Variants in RBFOX1 observed in about 807,000 individuals in gnomAD.
RBFOX1 encodes the protein RNA binding protein fox-1 homolog 1.
Under a neutral mutation model 57.7 loss-of-function variants are expected in RBFOX1, and 8 were observed. The ratio of observed to expected loss-of-function variants is 0.14; its 90% confidence interval spans 0.08 to 0.25. RBFOX1 has a LOEUF of 0.25. RBFOX1 is among the 10% of genes least tolerant of loss of function. The pLI is 1.00. For synonymous variants in RBFOX1, 326 were observed against 222.4 expected, an observed-to-expected ratio of 1.47 and a Z score of -4.15; for missense variants, 611 against 548.5, an observed-to-expected ratio of 1.11 and a Z score of -1.14.
intron 4 of RBFOX1, among the ~76,000 whole-genome samples, chr16:7,131,215 G>T (rs115842386): frequency 6.6e-6 from 1 of 151,810 alleles, no homozygotes; most frequent in Non-Finnish European, 1.5e-5. Context: ...GTGTGGTATC[G>T]CACACCTGTA....
At chr16:5,792,006 C>G (rs141210905) in intron 3 of RBFOX1, among the ~76,000 whole-genome samples, 2 of 152,196 alleles carry the variant, frequency 1.3e-5, no homozygotes, top group South Asian at 4.1e-4. Flanking sequence ...TTTGGCAGGG[C>G]GCTGGCTCTC....
At chr16:6,649,015 G>A (rs942173183) in intron 2 of RBFOX1, among the ~76,000 whole-genome samples, 3 of 152,056 alleles carry the variant, frequency 2.0e-5, no homozygotes, top group Non-Finnish European at 4.4e-5. Context: ...AACATGTTGT[G>A]AACTGTAGTC....
chr16:6,656,228 C>T (rs1396015614), intron 3 of RBFOX1, among the ~76,000 whole-genome samples: 1 of 152,174 alleles, frequency 6.6e-6, no homozygotes, highest in Non-Finnish European at 1.5e-5. Flanking sequence ...AAAGCATGTT[C>T]CCCAACCTGC....
At chr16:6,094,771 C>T (rs2096223703) in intron 1 of RBFOX1, among the ~76,000 whole-genome samples, 1 of 152,128 alleles carries the variant, frequency 6.6e-6, no homozygotes, top group East Asian at 1.9e-4. Flanking sequence ...TTAAATTATA[C>T]CTATAGGAGG....
chr16:6,950,432 C>T (rs1279572286), intron 3 of RBFOX1, among the ~76,000 whole-genome samples: 5 of 152,094 alleles, frequency 3.3e-5, no homozygotes, highest in Non-Finnish European at 7.4e-5. Flanking sequence ...GGTAATGATT[C>T]AGCAGTTTGG....
intron 3 of RBFOX1, among the ~76,000 whole-genome samples, chr16:6,950,259 G>T (rs539564976): frequency 6.6e-6 from 1 of 151,882 alleles, no homozygotes; most frequent in East Asian, 1.9e-4. Flanking sequence ...TGTCCGGCCA[G>T]CACATTCTTT....
chr16:5,945,239 G>T (rs546785549), intron 4 of RBFOX1, among the ~76,000 whole-genome samples: 2 of 152,104 alleles, frequency 1.3e-5, no homozygotes, highest in Admixed American at 6.5e-5. Flanking sequence ...CTGGCCCTTC[G>T]TGGGTCTTAC....
At chr16:6,832,998 T>G (rs2092818956) in intron 3 of RBFOX1, among the ~76,000 whole-genome samples, 1 of 152,108 alleles carries the variant, frequency 6.6e-6, no homozygotes, top group South Asian at 2.1e-4. Context: ...CATTTACCAC[T>G]AATGTTCTAA....
chr16:5,803,390 T>C (rs2151758112), intron 3 of RBFOX1, among the ~76,000 whole-genome samples: 1 of 152,270 alleles, frequency 6.6e-6, no homozygotes, highest in South Asian at 2.1e-4. Context: ...AAAACAAAAC[T>C]TGTGGATTCT....
chr16:6,450,257 A>C (rs1017077405), intron 2 of RBFOX1, among the ~76,000 whole-genome samples: 3 of 152,116 alleles, frequency 2.0e-5, no homozygotes, highest in African/African-American at 7.2e-5. Flanking sequence ...ATATGAGGGA[A>C]ATAATAGCTC....
At chr16:6,771,142 A>T (rs1334567054) in intron 3 of RBFOX1, among the ~76,000 whole-genome samples, 1 of 152,148 alleles carries the variant, frequency 6.6e-6, no homozygotes, top group Non-Finnish European at 1.5e-5. Context: ...TACCATATAA[A>T]CAACACAGAG....
chr16:6,733,202 C>CTATT (rs2069129507), intron 3 of RBFOX1, among the ~76,000 whole-genome samples: 1 of 152,158 alleles, frequency 6.6e-6, no homozygotes, highest in Non-Finnish European at 1.5e-5. Context: ...TGCTTCTTCA[C>CTATT]TATTTATTTA....
intron 1 of RBFOX1, among the ~76,000 whole-genome samples, chr16:6,298,888 A>G (rs1024176114): frequency 6.6e-6 from 1 of 152,160 alleles, no homozygotes; most frequent in African/African-American, 2.4e-5. Flanking sequence ...TTTTTTGATG[A>G]TCTGACATTC....
At chr16:6,291,641 C>A (rs1263315696) in intron 1 of RBFOX1, among the ~76,000 whole-genome samples, 2 of 152,198 alleles carry the variant, frequency 1.3e-5, no homozygotes, top group Non-Finnish European at 2.9e-5. Context: ...CAATGGCATC[C>A]TTTGCCGTAT....
chr16:6,745,850 T>C (rs1276263739), intron 3 of RBFOX1, among the ~76,000 whole-genome samples: 1 of 152,190 alleles, frequency 6.6e-6, no homozygotes, highest in Non-Finnish European at 1.5e-5. Context: ...TCTTTATTCA[T>C]AGGCAGCGTG....
At chr16:7,676,730 G>T in intron 13 of RBFOX1, 44 bp from the exon 14 acceptor site, 1 of 1,545,160 alleles carries the variant, frequency 6.5e-7, no homozygotes. Context: ...TCCCTGCATT[G>T]GGCTCCGCTA....
At chr16:6,642,813 C>G (rs915559522) in intron 2 of RBFOX1, among the ~76,000 whole-genome samples, 2 of 152,084 alleles carry the variant, frequency 1.3e-5, no homozygotes, top group Non-Finnish European at 2.9e-5. Context: ...CTTAGGCCCC[C>G]TGAAGATTCC....
intron 12 of RBFOX1, among the ~76,000 whole-genome samples, chr16:7,656,688 G>GTGTT (rs1356609957): frequency 6.6e-6 from 1 of 152,080 alleles, no homozygotes; most frequent in Non-Finnish European, 1.5e-5. Context: ...CACACCTATT[G>GTGTT]TGTTTTAGGC....
chr16:5,982,828 A>G (rs911802682), intron 4 of RBFOX1, among the ~76,000 whole-genome samples: 2 of 152,194 alleles, frequency 1.3e-5, no homozygotes, highest in Admixed American at 6.5e-5. Flanking sequence ...TGGAATGTGG[A>G]GCCTTTGCTG....
Sources: gnomAD v4.1 joint callset for allele counts (sites outside exome capture counted in the v4.1 genomes callset) on GRCh38, gnomAD v4.1.1 for gene constraint, MANE v1.5 for transcripts, NCBI Gene and HGNC (gene_info 2026-07-23, HGNC 2026-07-21) for gene names.